The following ATR variants were observed in gnomAD, a reference collection of about 807,000 sequenced individuals.
ATR encodes the protein ATR checkpoint kinase.
Under a neutral mutation model 305.3 loss-of-function variants are expected in ATR, and 142 were observed. The observed-to-expected ratio is 0.47, with a 90% CI of 0.41 to 0.53. The LOEUF (loss-of-function observed/expected upper bound fraction) is 0.53. Among genes scored for constraint, ATR ranks in the 20% least tolerant of loss-of-function variants. ATR has a pLI of 0.00. For missense variants in ATR, 2,135 were observed against 3,133.1 expected (o/e 0.68, Z 7.60); for synonymous variants, 1,050 against 1,068.1 (o/e 0.98, Z 0.33).
chr3:142,553,181 A>G lies in ATR; in HGVS notation c.2805+46T>C, dbSNP rs1286116879. On this transcript the variant is annotated intron_variant, in intron 13 of 46. Transcript: ENST00000350721. ...ATATTCTTCTTTTTTGTAACTCTTA[A>G]AAAGTACTGCTGTTGCCTATAGTCC... 4 of 1,586,842 alleles carry G rather than the reference A, an allele frequency of 2.5e-6. No homozygotes were observed. In the African/African-American group the frequency reaches 4.0e-5, roughly 16 times the overall value.
intron 42 of ATR, among the ~76,000 whole-genome samples, chr3:142,460,029 C>T (rs1412891018): frequency 6.6e-6 from 1 of 151,958 alleles, no homozygotes; most frequent in Non-Finnish European, 1.5e-5. Flanking sequence ...CAAATCCAAA[C>T]TCAGACATAT....
chr3:142,454,412 T>G (rs1018362567), intron 45 of ATR, among the ~76,000 whole-genome samples: 2 of 151,718 alleles, frequency 1.3e-5, no homozygotes, highest in Admixed American at 1.3e-4. Flanking sequence ...CTAACCAGTA[T>G]TCTACCATAA....
At chr3:142,534,572 T>C (rs2033784129) in intron 21 of ATR, among the ~76,000 whole-genome samples, 1 of 152,204 alleles carries the variant, frequency 6.6e-6, no homozygotes, top group South Asian at 2.1e-4. Context: ...AGTGATCTGG[T>C]ATTTTAAATA....
intron 3 of ATR, among the ~76,000 whole-genome samples, chr3:142,564,049 AC>A (rs2034975944): frequency 6.6e-6 from 1 of 152,230 alleles, no homozygotes; most frequent in Non-Finnish European, 1.5e-5. Context: ...TCAAGGCAAG[AC>A]ACTCCACCAG....
chr3:142,560,431 TG>T lies in ATR; in HGVS notation c.1372del (p.Gln458LysfsTer9). The stretch of plus-strand genomic sequence containing the variant: ...CAGTGCACTCCATAATATGCTCTTT[TG>T]GTTCATGTCCACATGTTTAATTCTA... ...TEEIKHVDMN[Q>X]KSILWSALKQ... On this transcript the variant is annotated frameshift_variant, in exon 6 of 47. Coordinates refer to ENST00000350721, the MANE Select transcript of ATR (RefSeq NM_001184.4). LOFTEE classifies it high-confidence loss of function. 6.2e-7 allele frequency: 1 copy of T among 1,612,624 alleles called. No homozygotes were observed. The highest frequency in any genetic ancestry group is 8.5e-7 in the Non-Finnish European group (1 of 1,178,680).
At chr3:142,485,100 T>TC (rs775663168) in intron 36 of ATR, 40 bp downstream of exon 36, 13 of 1,609,918 alleles carry the variant, frequency 8.1e-6, no homozygotes, top group Non-Finnish European at 1.0e-5. Context: ...ATAGTCATCC[T>TC]TACATATTTA....
At chr3:142,487,642 T>C (rs2031025250) in intron 35 of ATR, among the ~76,000 whole-genome samples, 2 of 152,358 alleles carry the variant, frequency 1.3e-5, no homozygotes, top group South Asian at 4.1e-4. Context: ...TAAACATTCT[T>C]GTGTTTATCC....
At chr3:142,482,372 T>C (rs980012862) in intron 36 of ATR, among the ~76,000 whole-genome samples, 9 of 152,230 alleles carry the variant, frequency 5.9e-5, no homozygotes, top group African/African-American at 2.2e-4. Context: ...CTTACATTCC[T>C]GAAGGGTACT....
rs1337173570 is a variant in ATR at position 142,449,321 on chromosome 3, G to A, written c.*108C>T. Reference sequence around the variant, plus strand: ...TGATCAGAGAGAAATAACAGTTGCTGAGAACGTAAATTTATGTTGTACTTT... The same window carrying A: ...TGATCAGAGAGAAATAACAGTTGCTAAGAACGTAAATTTATGTTGTACTTT... On this transcript the variant is annotated 3_prime_UTR_variant, in exon 47 of 47. Coordinates refer to ENST00000350721, the MANE Select transcript of ATR (RefSeq NM_001184.4). 9.8e-7 allele frequency: 1 copy of A among 1,017,760 alleles called. No individual in the cohort carries two copies. The highest frequency in any genetic ancestry group is 1.6e-5 in the African/African-American group (1 of 61,618). The allele number at this position is 1,017,760 out of a possible 1,614,324, so 63.0% of individuals were successfully genotyped here. A position where few individuals can be genotyped will look rare whatever the true frequency, so the allele number is the denominator to read the frequency against.
At chr3:142,548,558 A>T (rs925558652) in intron 15 of ATR, among the ~76,000 whole-genome samples, 29 of 151,834 alleles carry the variant, frequency 1.9e-4, no homozygotes, top group Non-Finnish European at 1.5e-4. Context: ...AATCCCAGCT[A>T]CTCAGGAGGC....
chr3:142,550,008 T>C, intron 14 of ATR, 124 bp downstream of exon 14: 1 of 1,278,546 alleles, frequency 7.8e-7, no homozygotes, highest in Non-Finnish European at 1.1e-6. Flanking sequence ...GAACAATGAC[T>C]CAAATCCACT....
chr3:142,522,686 A>G (rs1356362017), intron 23 of ATR, 42 bp downstream of exon 23: 1 of 1,477,540 alleles, frequency 6.8e-7, no homozygotes, highest in East Asian at 2.3e-5. Flanking sequence ...TCTTATTTGA[A>G]TTAAACAATT....
intron 21 of ATR, among the ~76,000 whole-genome samples, chr3:142,532,904 T>C (rs1464769717): frequency 1.3e-5 from 2 of 152,208 alleles, no homozygotes; most frequent in Non-Finnish European, 2.9e-5. Context: ...CATCCTCTTA[T>C]CTTATGCCAG....
chr3:142,568,785 G>A (rs11707731), intron 1 of ATR, among the ~76,000 whole-genome samples: 1 of 152,148 alleles, frequency 6.6e-6, no homozygotes, highest in East Asian at 1.9e-4. Context: ...GCAAAGTTGT[G>A]GGGGAGCCCA....
chr3:142,462,838 C>G (rs1009179244), intron 41 of ATR, among the ~76,000 whole-genome samples: 3 of 152,114 alleles, frequency 2.0e-5, no homozygotes, highest in Non-Finnish European at 2.9e-5. Flanking sequence ...ATGTATTGCT[C>G]CTCTTGCGGT....
At chr3:142,453,512 G>A (rs1287546104) in intron 45 of ATR, among the ~76,000 whole-genome samples, 1 of 152,064 alleles carries the variant, frequency 6.6e-6, no homozygotes, top group Admixed American at 6.5e-5. Context: ...ACTGTGAACT[G>A]GTAAATGACT....
rs139381321 is a variant in ATR at position 142,538,937 on chromosome 3, A to C, written c.3582-312T>G. On this transcript the variant is annotated intron_variant, in intron 18 of 46. Transcript: ENST00000350721. ...AATTAATAAAAATAGATATCTGTAG[A>C]GGTCGAAATTGGAATCTAGATTTCT... 3.2e-3 allele frequency among the ~76,000 whole-genome samples: 483 copies of C among 152,296 alleles called. 1 individual carries two copies. The highest frequency in any genetic ancestry group is 0.011 in the African/African-American group (440 of 41,582).
At position 142,526,272 on chromosome 3, in the gene ATR, G is replaced by A. The variant is rs753728910; in HGVS notation, c.3946-2073C>T. On this transcript the variant is annotated intron_variant, in intron 21 of 46. Transcript: ENST00000350721. ...TTATCAGTAATTCTCTATAATTTCC[G>A]AAGTATATTAGCATAAGAAATGGAG... Among the ~76,000 whole-genome samples the A allele has an allele frequency of 5.9e-5, 9 of 152,004 alleles. No individual in the cohort carries two copies. In the South Asian group the frequency reaches 6.2e-4, roughly 11 times the overall value.
At chr3:142,489,405 G>A (rs539568153) in intron 35 of ATR, among the ~76,000 whole-genome samples, 1 of 152,256 alleles carries the variant, frequency 6.6e-6, no homozygotes, top group South Asian at 2.1e-4. Context: ...CATCATTCCA[G>A]TCAAGAAGAT....
Sources: allele counts gnomAD v4.1 joint callset (sites outside exome capture counted in the v4.1 genomes callset), GRCh38; gene constraint gnomAD v4.1.1; transcripts MANE v1.5; gene names NCBI Gene and HGNC (gene_info 2026-07-23, HGNC 2026-07-21).